FRMPD4: variants seen among roughly 807,000 people sequenced by gnomAD.
FRMPD4 encodes the protein FERM and PDZ domain-containing protein 4.
FRMPD4 carries 22 observed loss-of-function variants against 94.1 expected under a neutral mutation model. That is an observed-to-expected ratio of 0.23 (90% CI 0.17 to 0.33). The LOEUF (loss-of-function observed/expected upper bound fraction) is 0.33. FRMPD4 is among the 10% of genes least tolerant of loss of function. FRMPD4 has a pLI of 1.00. For synonymous variants in FRMPD4, 631 were observed against 548.6 expected (o/e 1.15, Z -2.10); for missense variants, 1,111 against 1,339.9 (o/e 0.83, Z 2.67).
intron 1 of FRMPD4, among the ~76,000 whole-genome samples, chrX:12,426,556 G>A (rs897823546): frequency 9.0e-6 from 1 of 111,355 alleles, no homozygotes; most frequent in African/African-American, 3.3e-5. Flanking sequence ...TTCTCATCAG[G>A]GCTGCTAACC....
intron 3 of FRMPD4, among the ~76,000 whole-genome samples, chrX:11,942,228 C>CTTTTTTTTTT (rs560019319): frequency 1.3e-5 from 1 of 79,163 alleles, no homozygotes. Context: ...TTTTTCTTTC[C>CTTTTTTTTTT]TTTTTTTTTT....
chrX:12,274,187 T>G (rs1349992870), intron 1 of FRMPD4, among the ~76,000 whole-genome samples: 2 of 110,923 alleles, frequency 1.8e-5, no homozygotes, highest in Non-Finnish European at 3.8e-5. Context: ...TCTTTCTAAT[T>G]AAAAATTAAA....
At chrX:12,399,561 G>A (rs939513166) in intron 1 of FRMPD4, among the ~76,000 whole-genome samples, 10 of 111,475 alleles carry the variant, frequency 9.0e-5, no homozygotes, top group African/African-American at 2.9e-4. Flanking sequence ...CAATTAACAC[G>A]TTTTGCATGT....
At chrX:11,882,404 T>A (rs1203585557) in intron 3 of FRMPD4, among the ~76,000 whole-genome samples, 1 of 111,098 alleles carries the variant, frequency 9.0e-6, no homozygotes, top group Non-Finnish European at 1.9e-5. Context: ...TGAACAGATT[T>A]ATAGAGGACC....
chrX:12,671,737 AAAAT>A (rs994368370), intron 4 of FRMPD4, among the ~76,000 whole-genome samples: 2 of 110,953 alleles, frequency 1.8e-5, no homozygotes, highest in Non-Finnish European at 3.8e-5. Context: ...AGTATAATAA[AAAAT>A]AAATAAATAA....
At chrX:12,377,156 A>G (rs1174452494) in intron 1 of FRMPD4, among the ~76,000 whole-genome samples, 1 of 112,610 alleles carries the variant, frequency 8.9e-6, no homozygotes, top group African/African-American at 3.2e-5. Flanking sequence ...GAAAGCACAC[A>G]GGGCAACATA....
At chrX:12,446,418 G>T (rs779684783) in intron 1 of FRMPD4, among the ~76,000 whole-genome samples, 1 of 111,781 alleles carries the variant, frequency 8.9e-6, no homozygotes, top group South Asian at 3.8e-4. Context: ...ACATTTTGGG[G>T]CAATTGAGGT....
chrX:12,456,263 T>C (rs1202893579), intron 1 of FRMPD4, among the ~76,000 whole-genome samples: 1 of 112,165 alleles, frequency 8.9e-6, no homozygotes. Context: ...CTCTCTCTCT[T>C]CTTTCTTCCT....
At chrX:12,274,940 C>T (rs929232379) in intron 1 of FRMPD4, among the ~76,000 whole-genome samples, 2 of 111,894 alleles carry the variant, frequency 1.8e-5, no homozygotes, top group Admixed American at 9.4e-5. Context: ...ACCCGGGAGG[C>T]GGAGCTTGCA....
At chrX:12,139,148 C>T (rs2055650272) in intron 1 of FRMPD4, 136 bp downstream of exon 1, 3 of 455,384 alleles carry the variant, frequency 6.6e-6, no homozygotes, top group Non-Finnish European at 1.0e-5. Flanking sequence ...TGGCCGGGGG[C>T]TTCCACGTTC....
At chrX:11,944,182 T>C (rs183215170) in intron 3 of FRMPD4, among the ~76,000 whole-genome samples, 1 of 112,496 alleles carries the variant, frequency 8.9e-6, no homozygotes, top group Non-Finnish European at 1.9e-5. Context: ...ACTCCAATTC[T>C]TGTTATTTTG....
intron 1 of FRMPD4, among the ~76,000 whole-genome samples, chrX:12,400,184 G>C (rs1297555279): frequency 8.9e-6 from 1 of 111,977 alleles, no homozygotes; most frequent in African/African-American, 3.2e-5. Context: ...CCCATATTGA[G>C]GTTAGATGAA....
chrX:12,231,326 A>T (rs1432756866), intron 1 of FRMPD4, among the ~76,000 whole-genome samples: 6 of 107,730 alleles, frequency 5.6e-5, no homozygotes, highest in African/African-American at 1.4e-4. Flanking sequence ...GAGCAAGTTG[A>T]TTAATTTAGT....
At chrX:12,409,662 A>C (rs1184611705) in intron 1 of FRMPD4, among the ~76,000 whole-genome samples, 1 of 112,549 alleles carries the variant, frequency 8.9e-6, no homozygotes, top group Admixed American at 9.4e-5. Context: ...TTGTTAATGA[A>C]ATGCAGAAGA....
chrX:12,013,704 G>A (rs1272897117), intron 3 of FRMPD4, among the ~76,000 whole-genome samples: 1 of 113,187 alleles, frequency 8.8e-6, no homozygotes, highest in East Asian at 2.8e-4. Context: ...GCCAATTTCT[G>A]AGGTTATTAG....
intron 1 of FRMPD4, among the ~76,000 whole-genome samples, chrX:12,318,367 A>C: frequency 8.9e-6 from 1 of 111,803 alleles, no homozygotes; most frequent in Non-Finnish European, 1.9e-5. Flanking sequence ...CTCTACAAAA[A>C]ATGAAAAATT....
At chrX:12,602,376 G>C (rs978112900) in intron 2 of FRMPD4, among the ~76,000 whole-genome samples, 12 of 111,210 alleles carry the variant, frequency 1.1e-4, no homozygotes, top group African/African-American at 3.9e-4. Flanking sequence ...ATCCAGTCAG[G>C]GATGTGGGAA....
intron 1 of FRMPD4, among the ~76,000 whole-genome samples, chrX:12,412,097 T>C (rs2056740449): frequency 8.9e-6 from 1 of 112,361 alleles, no homozygotes; most frequent in South Asian, 3.7e-4. Context: ...CAATGCATAA[T>C]GGTTTGTGAC....
intron 1 of FRMPD4, among the ~76,000 whole-genome samples, chrX:12,474,759 A>G (rs2057570671): frequency 8.9e-6 from 1 of 111,759 alleles, no homozygotes; most frequent in African/African-American, 3.3e-5. Context: ...AGACTAAACC[A>G]GGAAGAAGTT....
Sources: allele counts gnomAD v4.1 joint callset (sites outside exome capture counted in the v4.1 genomes callset), GRCh38; gene constraint gnomAD v4.1.1; transcripts MANE v1.5; gene names NCBI Gene and HGNC (gene_info 2026-07-23, HGNC 2026-07-21).